Variants in NELL1 observed in about 807,000 individuals in gnomAD.
NELL1 encodes the protein neural EGFL like 1.
Under a neutral mutation model 107.4 loss-of-function variants are expected in NELL1, and 76 were observed. The ratio of observed to expected loss-of-function variants is 0.71; its 90% CI spans 0.59 to 0.86. The LOEUF is 0.86. Among genes scored for constraint, NELL1 ranks in the 40% least tolerant of loss-of-function variants. NELL1 has a pLI of 0.00. For missense variants in NELL1, 1,024 were observed against 1,005.5 expected, an observed-to-expected ratio of 1.02 and a Z score of -0.25; for synonymous variants, 353 against 341.2, an observed-to-expected ratio of 1.03 and a Z score of -0.38.
chr11:21,215,383 A>G (rs1169113973), intron 13 of NELL1, among the ~76,000 whole-genome samples: 2 of 152,326 alleles, frequency 1.3e-5, no homozygotes, highest in Middle Eastern at 3.4e-3. Flanking sequence ...CTTTATTAGC[A>G]GTGTGAGACT....
chr11:21,091,426 G>A (rs1854518189), intron 12 of NELL1, among the ~76,000 whole-genome samples: 1 of 152,104 alleles, frequency 6.6e-6, no homozygotes. Context: ...TGGATAAAAT[G>A]GATGATAATC....
intron 3 of NELL1, among the ~76,000 whole-genome samples, chr11:20,786,876 C>G (rs1442210466): frequency 1.3e-5 from 2 of 151,214 alleles, no homozygotes; most frequent in African/African-American, 4.9e-5. Flanking sequence ...GGCATGGTGG[C>G]GGGCGCCTGT....
intron 14 of NELL1, among the ~76,000 whole-genome samples, chr11:21,273,671 C>T (rs1261965734): frequency 3.3e-5 from 5 of 152,168 alleles, no homozygotes; most frequent in African/African-American, 9.7e-5. Flanking sequence ...GGGTTACCCA[C>T]AAAGGGAAAC....
At chr11:21,048,872 A>G (rs1275768101) in intron 12 of NELL1, among the ~76,000 whole-genome samples, 2 of 152,154 alleles carry the variant, frequency 1.3e-5, no homozygotes, top group Admixed American at 6.6e-5. Context: ...GACAGAGCTC[A>G]GTGCTGCTGA....
In NELL1 at chr11:21,515,040, A is replaced by C. The variant is rs531893581; in HGVS notation, c.1646-19334A>C. Reference sequence around the variant, plus strand: ...AAAATTGAGGGTAAAGCAATGAACAAATGGCGAAAGTATCTGAAAATGACT... The same window carrying C: ...AAAATTGAGGGTAAAGCAATGAACACATGGCGAAAGTATCTGAAAATGACT... On this transcript the variant is annotated intron_variant, in intron 15 of 19. Coordinates refer to ENST00000357134, the MANE Select transcript of NELL1 (RefSeq NM_006157.5). 7.2e-4 allele frequency among the ~76,000 whole-genome samples: 110 copies of C among 152,286 alleles called. 1 individual carries two copies. Among genetic ancestry groups the C allele is most frequent in the South Asian group, 3.5e-3 (17 of 4,824 alleles).
At chr11:20,941,105 C>G (rs370930918) in intron 10 of NELL1, among the ~76,000 whole-genome samples, 26 of 152,228 alleles carry the variant, frequency 1.7e-4, no homozygotes, top group Middle Eastern at 6.8e-3. Flanking sequence ...TGCCACTGCA[C>G]TACAGCCTGG....
At chr11:20,840,866 A>G (rs1187563590) in intron 3 of NELL1, among the ~76,000 whole-genome samples, 1 of 152,224 alleles carries the variant, frequency 6.6e-6, no homozygotes, top group East Asian at 1.9e-4. Flanking sequence ...AGTTTTCCCA[A>G]CAGAATATTA....
intron 3 of NELL1, among the ~76,000 whole-genome samples, chr11:20,834,503 C>T (rs765237468): frequency 6.6e-6 from 1 of 152,006 alleles, no homozygotes; most frequent in South Asian, 2.1e-4. Context: ...TAAAAAAGCA[C>T]CCTCCTGGCT....
chr11:21,147,968 G>A (rs552510666), intron 13 of NELL1, among the ~76,000 whole-genome samples: 52 of 151,522 alleles, frequency 3.4e-4, no homozygotes, highest in African/African-American at 1.1e-3. Context: ...GTTAAGCTAC[G>A]CAGGCAATAG....
At chr11:21,241,878 T>A (rs957998457) in intron 14 of NELL1, among the ~76,000 whole-genome samples, 1 of 151,070 alleles carries the variant, frequency 6.6e-6, no homozygotes, top group Admixed American at 6.7e-5. Context: ...CATCTTCTGG[T>A]TCGACTGAAT....
At chr11:20,996,002 G>A (rs1852083433) in intron 12 of NELL1, among the ~76,000 whole-genome samples, 1 of 152,196 alleles carries the variant, frequency 6.6e-6, no homozygotes, top group Non-Finnish European at 1.5e-5. Context: ...ATTCTACAGG[G>A]GTTTATTTTT....
At chr11:20,693,596 G>C (rs1854530628) in intron 2 of NELL1, among the ~76,000 whole-genome samples, 1 of 152,090 alleles carries the variant, frequency 6.6e-6, no homozygotes. Context: ...TTTTCTTTAA[G>C]AACGTTGAAT....
chr11:21,250,724 A>G (rs1858616426), intron 14 of NELL1, among the ~76,000 whole-genome samples: 1 of 152,218 alleles, frequency 6.6e-6, no homozygotes. Flanking sequence ...CAGATTATAA[A>G]TGTTGGGAAT....
intron 15 of NELL1, among the ~76,000 whole-genome samples, chr11:21,472,176 T>A (rs1854199671): frequency 6.6e-6 from 1 of 151,868 alleles, no homozygotes; most frequent in Non-Finnish European, 1.5e-5. Context: ...TGTTTGTTTG[T>A]TTGTTTTAAA....
intron 12 of NELL1, among the ~76,000 whole-genome samples, chr11:20,996,331 C>T (rs1053191247): frequency 2.6e-5 from 4 of 152,174 alleles, no homozygotes; most frequent in African/African-American, 9.7e-5. Context: ...TGATGTAATT[C>T]CTCTTACCCA....
intron 15 of NELL1, among the ~76,000 whole-genome samples, chr11:21,519,283 T>TTC (rs1287723574): frequency 6.6e-6 from 1 of 152,168 alleles, no homozygotes; most frequent in Non-Finnish European, 1.5e-5. Flanking sequence ...AGATATGTGG[T>TTC]TCTCAAAGTA....
At chr11:21,327,187 G>C (rs1200154054) in intron 14 of NELL1, among the ~76,000 whole-genome samples, 1 of 114,440 alleles carries the variant, frequency 8.7e-6, no homozygotes, top group South Asian at 3.4e-4. Flanking sequence ...TTGTGGGGGG[G>C]ACTGTTGTGG....
intron 12 of NELL1, among the ~76,000 whole-genome samples, chr11:21,001,580 G>A (rs968954114): frequency 4.6e-5 from 7 of 151,968 alleles, no homozygotes; most frequent in African/African-American, 9.7e-5. Flanking sequence ...TCTGGGAAGC[G>A]GATGCTGAGA....
intron 17 of NELL1, among the ~76,000 whole-genome samples, chr11:21,567,574 T>G (rs1268853408): frequency 6.6e-6 from 1 of 151,868 alleles, no homozygotes; most frequent in Non-Finnish European, 1.5e-5. Flanking sequence ...ACACGATACA[T>G]TTTTCAACCT....
Sources: gnomAD v4.1 joint callset for allele counts (sites outside exome capture counted in the v4.1 genomes callset) on GRCh38, gnomAD v4.1.1 for gene constraint, MANE v1.5 for transcripts, NCBI Gene and HGNC (gene_info 2026-07-23, HGNC 2026-07-21) for gene names.